The following NELL2 variants were observed in gnomAD, a reference collection of about 807,000 sequenced individuals.
NELL2 encodes the protein protein kinase C-binding protein NELL2.
Under a neutral mutation model 109.6 loss-of-function variants are expected in NELL2, and 41 were observed. The ratio of observed to expected loss-of-function variants is 0.37; its 90% CI spans 0.29 to 0.49. The LOEUF (loss-of-function observed/expected upper bound fraction) is 0.49. Ranked by LOEUF, NELL2 falls within the 20% of genes least tolerant of loss-of-function variation. The pLI is 0.98. For missense variants in NELL2, 900 were observed against 1,008.3 expected (o/e 0.89, Z 1.45); for synonymous variants, 355 against 344.7 (o/e 1.03, Z -0.33).
intron 12 of NELL2, among the ~76,000 whole-genome samples, chr12:44,685,667 A>G (rs1041197855): frequency 1.3e-5 from 2 of 151,842 alleles, no homozygotes; most frequent in Non-Finnish European, 2.9e-5. Flanking sequence ...TTTCTCCTTC[A>G]CTTATGAAGC....
intron 9 of NELL2, among the ~76,000 whole-genome samples, chr12:44,736,679 A>AACTAGTT (rs1939671884): frequency 6.6e-6 from 1 of 152,208 alleles, no homozygotes; most frequent in African/African-American, 2.4e-5. Context: ...AAATCAATTC[A>AACTAGTT]ACTAGTTGTA....
intron 9 of NELL2, among the ~76,000 whole-genome samples, chr12:44,746,094 A>G (rs1352786563): frequency 6.6e-6 from 1 of 152,198 alleles, no homozygotes; most frequent in African/African-American, 2.4e-5. Flanking sequence ...TGGTACCAAA[A>G]CAGAGATATA....
intron 10 of NELL2, among the ~76,000 whole-genome samples, chr12:44,713,091 T>G (rs1938294810): frequency 6.6e-6 from 1 of 151,062 alleles, no homozygotes. Context: ...AATAGCAAAT[T>G]TAAAATCCAA....
chr12:44,542,271 A>C (rs1942608236), intron 15 of NELL2, among the ~76,000 whole-genome samples: 1 of 149,782 alleles, frequency 6.7e-6, no homozygotes, highest in Non-Finnish European at 1.5e-5. Context: ...CTTGTACCTC[A>C]ATGTCCTCTA....
intron 2 of NELL2, among the ~76,000 whole-genome samples, chr12:44,865,850 T>G (rs1261890212): frequency 2.0e-5 from 3 of 150,484 alleles, no homozygotes; most frequent in African/African-American, 7.3e-5. Flanking sequence ...TTTAACAAAT[T>G]TAAAAATAAT....
chr12:44,513,995 A>G (rs1941133925), intron 19 of NELL2, among the ~76,000 whole-genome samples: 1 of 151,664 alleles, frequency 6.6e-6, no homozygotes, highest in Non-Finnish European at 1.5e-5. Flanking sequence ...TAGTCAAACT[A>G]CTAAAAACAA....
intron 9 of NELL2, among the ~76,000 whole-genome samples, chr12:44,761,363 C>T (rs764587679): frequency 2.0e-5 from 3 of 151,788 alleles, no homozygotes; most frequent in Admixed American, 1.3e-4. Flanking sequence ...AGCGAAACTC[C>T]GTCTCAAAAA....
intron 12 of NELL2, among the ~76,000 whole-genome samples, chr12:44,694,652 A>G (rs1949004045): frequency 6.6e-6 from 1 of 151,400 alleles, no homozygotes; most frequent in African/African-American, 2.4e-5. Context: ...TACCACAGAG[A>G]GTGCATCATT....
At chr12:44,626,706 T>TA (rs1483262892) in intron 13 of NELL2, among the ~76,000 whole-genome samples, 1 of 152,104 alleles carries the variant, frequency 6.6e-6, no homozygotes, top group Non-Finnish European at 1.5e-5. Flanking sequence ...AATTTTTTTT[T>TA]ATTGATGATA....
At chr12:44,791,988 G>A (rs1053023485) in intron 3 of NELL2, among the ~76,000 whole-genome samples, 4 of 151,874 alleles carry the variant, frequency 2.6e-5, no homozygotes, top group African/African-American at 9.7e-5. Flanking sequence ...GACATTTTGA[G>A]GCACAGCAAA....
chr12:44,558,882 C>A (rs1032402432), intron 15 of NELL2, among the ~76,000 whole-genome samples: 2 of 152,090 alleles, frequency 1.3e-5, no homozygotes, highest in Non-Finnish European at 2.9e-5. Context: ...TCTAGCTCAG[C>A]GGATCCCACT....
chr12:44,644,590 A>ATATATGTATATGTATG (rs1946994485), intron 13 of NELL2, among the ~76,000 whole-genome samples: 1 of 96,138 alleles, frequency 1.0e-5, no homozygotes, highest in Non-Finnish European at 2.0e-5. Context: ...GTATATATAT[A>ATATATGTATATGTATG]TATATATATA....
rs543417167 is a variant in NELL2, at chr12:44,620,666, T to G, written c.1445-9696A>C. Among the ~76,000 whole-genome samples the G allele has an allele frequency of 3.3e-5, 5 of 152,222 alleles. No individual in the cohort carries two copies. In the South Asian group the frequency reaches 1.0e-3, roughly 32 times the overall value. On this transcript the variant is annotated intron_variant, in intron 13 of 19. Coordinates refer to ENST00000429094, the MANE Select transcript of NELL2 (RefSeq NM_001145108.2). ...AAAACCAGGAATCCAGGAGTCACCATAGACTCCTCCCTCCCTTCTTCTCAC... is the reference window on the plus strand; with the variant it reads ...AAAACCAGGAATCCAGGAGTCACCAGAGACTCCTCCCTCCCTTCTTCTCAC...
At chr12:44,670,556 C>T (rs1000030550) in intron 12 of NELL2, among the ~76,000 whole-genome samples, 1 of 126,732 alleles carries the variant, frequency 7.9e-6, no homozygotes, top group Non-Finnish European at 1.8e-5. Flanking sequence ...GATGCAAGTA[C>T]AAGAAACCTA....
At chr12:44,574,614 G>C (rs1944000794) in intron 15 of NELL2, among the ~76,000 whole-genome samples, 1 of 151,900 alleles carries the variant, frequency 6.6e-6, no homozygotes. Flanking sequence ...CAAAAAAAAA[G>C]AAACCCACTT....
intron 3 of NELL2, among the ~76,000 whole-genome samples, chr12:44,789,464 T>A (rs1047208937): frequency 1.3e-5 from 2 of 152,078 alleles, no homozygotes; most frequent in African/African-American, 4.8e-5. Flanking sequence ...GGAAAAAGAA[T>A]CTGAACAGCA....
Position 44,634,365 on chromosome 12 carries a change from C to A in NELL2, c.1445-23395G>T, listed in dbSNP as rs915106716. 6.6e-5 allele frequency among the ~76,000 whole-genome samples: 10 copies of A among 150,678 alleles called. No homozygotes were observed. The South Asian group carries it at 1.9e-3, about 29-fold the overall frequency. ...AGGTCCCAGTGTGTGACATTCCTCT[C>A]CCTGTGTCCATGTGTGCTCATTGTT... On this transcript the variant is annotated intron_variant, in intron 13 of 19. Coordinates refer to ENST00000429094, the MANE Select transcript of NELL2 (RefSeq NM_001145108.2).
At chr12:44,845,949 C>T (rs865843859) in intron 2 of NELL2, among the ~76,000 whole-genome samples, 18 of 152,288 alleles carry the variant, frequency 1.2e-4, no homozygotes, top group African/African-American at 3.9e-4. Context: ...TGAAGGCTTT[C>T]AGAATTCAAG....
intron 13 of NELL2, among the ~76,000 whole-genome samples, chr12:44,641,768 C>G (rs537449063): frequency 7.3e-6 from 1 of 136,274 alleles, no homozygotes; most frequent in African/African-American, 2.8e-5. Context: ...GGGATCTCGG[C>G]TCACTGCAAC....
Sources: allele counts gnomAD v4.1 joint callset (sites outside exome capture counted in the v4.1 genomes callset), GRCh38; gene constraint gnomAD v4.1.1; transcripts MANE v1.5; gene names NCBI Gene and HGNC (gene_info 2026-07-23, HGNC 2026-07-21).